Variants in IMMP2L observed in about 807,000 individuals in gnomAD.
The protein encoded by IMMP2L is inner mitochondrial membrane peptidase subunit 2, also known as mitochondrial inner membrane protease subunit 2.
IMMP2L carries 18 observed loss-of-function variants against 19.3 expected under a neutral mutation model. The observed-to-expected ratio is 0.93, with a 90% confidence interval of 0.64 to 1.38. IMMP2L has a LOEUF of 1.38. Ranked by LOEUF, IMMP2L falls within the 40% of genes most tolerant of loss-of-function variation. The pLI is 0.00. For synonymous variants in IMMP2L, 76 were observed against 73.0 expected (o/e 1.04, Z -0.21); for missense variants, 233 against 218.2 (o/e 1.07, Z -0.43).
intron 4 of IMMP2L, among the ~76,000 whole-genome samples, chr7:110,935,959 T>A (rs1816059122): frequency 6.6e-6 from 1 of 152,166 alleles, no homozygotes; most frequent in African/African-American, 2.4e-5. Context: ...AAGGATTCCC[T>A]ATTTAATAAA....
At chr7:111,442,009 T>G (rs1837790459) in intron 3 of IMMP2L, among the ~76,000 whole-genome samples, 1 of 151,626 alleles carries the variant, frequency 6.6e-6, no homozygotes, top group Admixed American at 6.6e-5. Flanking sequence ...TGGTGGTGCG[T>G]GCCTGTTATC....
At chr7:111,105,632 T>A (rs2129581294) in intron 3 of IMMP2L, among the ~76,000 whole-genome samples, 1 of 152,078 alleles carries the variant, frequency 6.6e-6, no homozygotes, top group African/African-American at 2.4e-5. Flanking sequence ...GTATTTTTGT[T>A]GTTCCTCCTA....
chr7:110,846,360 T>G lies in IMMP2L; in HGVS notation c.408+40233A>C, dbSNP rs552640177. On this transcript the variant is annotated intron_variant, in intron 5 of 5. Transcript: ENST00000405709. ...CCAACCCTGATTTCTTTTTTTTTTTTTTTTTTTTGTTGTTGTTGTTGTTGA... is the reference window on the plus strand; with the variant it reads ...CCAACCCTGATTTCTTTTTTTTTTTGTTTTTTTTGTTGTTGTTGTTGTTGA... 5.7e-3 allele frequency among the ~76,000 whole-genome samples: 737 copies of G among 130,058 alleles called. 7 individuals are homozygous for G. Among genetic ancestry groups the G allele is most frequent in the African/African-American group, 0.019 (697 of 36,762 alleles). 85.3% of individuals were successfully genotyped at this position (130,058 alleles called of 152,430 possible). A position where few individuals can be genotyped will look rare whatever the true frequency, so the allele number is the denominator to read the frequency against.
chr7:111,207,484 T>C (rs1810832944), intron 3 of IMMP2L, among the ~76,000 whole-genome samples: 1 of 151,358 alleles, frequency 6.6e-6, no homozygotes, highest in African/African-American at 2.4e-5. Flanking sequence ...AATTAATTCC[T>C]AGCAAAGATA....
chr7:110,980,936 T>G (rs1167978658), intron 3 of IMMP2L, among the ~76,000 whole-genome samples: 1 of 152,222 alleles, frequency 6.6e-6, no homozygotes, highest in African/African-American at 2.4e-5. Context: ...CCAGTGTTAC[T>G]TAATTGTAAA....
intron 3 of IMMP2L, among the ~76,000 whole-genome samples, chr7:111,298,775 A>G (rs1165187146): frequency 1.4e-5 from 2 of 148,068 alleles, no homozygotes; most frequent in African/African-American, 4.9e-5. Flanking sequence ...AAAAAAAAGC[A>G]GCCGATCTTT....
At chr7:111,040,443 A>G (rs1791784754) in intron 3 of IMMP2L, among the ~76,000 whole-genome samples, 1 of 152,054 alleles carries the variant, frequency 6.6e-6, no homozygotes, top group Non-Finnish European at 1.5e-5. Flanking sequence ...AGTTTAGGGG[A>G]TGTTCTACCC....
intron 3 of IMMP2L, among the ~76,000 whole-genome samples, chr7:111,255,480 C>A (rs189035031): frequency 6.6e-6 from 1 of 151,722 alleles, no homozygotes; most frequent in Non-Finnish European, 1.5e-5. Context: ...AGAAGCTCCA[C>A]CTAGTAACAA....
chr7:110,880,596 G>A (rs536969308), intron 5 of IMMP2L, among the ~76,000 whole-genome samples: 1 of 151,488 alleles, frequency 6.6e-6, no homozygotes, highest in East Asian at 1.9e-4. Context: ...TCTTATGGGC[G>A]CCTCATATTT....
intron 4 of IMMP2L, among the ~76,000 whole-genome samples, chr7:110,938,767 G>A (rs904576833): frequency 6.6e-6 from 1 of 151,932 alleles, no homozygotes; most frequent in South Asian, 2.1e-4. Flanking sequence ...TTTTTTTAAT[G>A]GTCACCTAAG....
chr7:111,046,542 A>G (rs1563190437), intron 3 of IMMP2L, among the ~76,000 whole-genome samples: 1 of 152,190 alleles, frequency 6.6e-6, no homozygotes, highest in Non-Finnish European at 1.5e-5. Flanking sequence ...TAGGGAGTCT[A>G]TAATAAATGA....
chr7:111,238,878 C>T (rs577876202), intron 3 of IMMP2L, among the ~76,000 whole-genome samples: 2 of 151,970 alleles, frequency 1.3e-5, no homozygotes, highest in South Asian at 4.1e-4. Context: ...ATCCTCTGAA[C>T]CCTAATTTTC....
intron 5 of IMMP2L, among the ~76,000 whole-genome samples, chr7:110,844,583 G>A (rs895179863): frequency 6.6e-6 from 1 of 151,708 alleles, no homozygotes; most frequent in African/African-American, 2.4e-5. Context: ...AATCAATAGG[G>A]GAGCTTTCAG....
intron 3 of IMMP2L, among the ~76,000 whole-genome samples, chr7:111,180,416 G>A (rs1253639350): frequency 1.7e-4 from 26 of 152,000 alleles, no homozygotes. Context: ...GGAGTAGTCA[G>A]AACCACACAT....
chr7:111,301,040 T>A (rs972671398), intron 3 of IMMP2L, among the ~76,000 whole-genome samples: 3 of 152,166 alleles, frequency 2.0e-5, no homozygotes, highest in African/African-American at 4.8e-5. Flanking sequence ...AGAGTGGCTG[T>A]ACAATTTTGT....
chr7:111,484,664 T>TG (rs1324520737), intron 3 of IMMP2L, among the ~76,000 whole-genome samples: 1 of 152,192 alleles, frequency 6.6e-6, no homozygotes, highest in Non-Finnish European at 1.5e-5. Flanking sequence ...ATTCAATATT[T>TG]GATATAAATT....
At chr7:111,130,698 A>G (rs1339094431) in intron 3 of IMMP2L, among the ~76,000 whole-genome samples, 1 of 152,106 alleles carries the variant, frequency 6.6e-6, no homozygotes, top group African/African-American at 2.4e-5. Flanking sequence ...TGGTAAAGAC[A>G]GAAATAGTTC....
At chr7:111,031,536 C>T (rs1053662040) in intron 3 of IMMP2L, among the ~76,000 whole-genome samples, 3 of 151,730 alleles carry the variant, frequency 2.0e-5, no homozygotes, top group African/African-American at 4.8e-5. Context: ...CGGATTATAA[C>T]AAAAAGTGTA....
At chr7:111,450,023 A>C (rs1838957443) in intron 3 of IMMP2L, among the ~76,000 whole-genome samples, 1 of 151,250 alleles carries the variant, frequency 6.6e-6, no homozygotes, top group African/African-American at 2.5e-5. Flanking sequence ...GCACCTCTTC[A>C]AGGAGAACTA....
Sources: allele counts gnomAD v4.1 joint callset (sites outside exome capture counted in the v4.1 genomes callset), GRCh38; gene constraint gnomAD v4.1.1; transcripts MANE v1.5; gene names NCBI Gene and HGNC (gene_info 2026-07-23, HGNC 2026-07-21).